The following ITPK1 variants were observed in gnomAD, a reference collection of about 807,000 sequenced individuals.
ITPK1 encodes the protein inositol 1,3,4-trisphosphate 5/6-kinase.
Under a neutral mutation model 45.3 loss-of-function variants are expected in ITPK1, and 21 were observed. The observed-to-expected ratio is 0.46, with a 90% CI of 0.33 to 0.67. The LOEUF is 0.67. ITPK1 is among the 30% of genes least tolerant of loss of function. ITPK1 has a pLI of 0.02. For missense variants in ITPK1, 474 were observed against 573.5 expected (o/e 0.83, Z 1.77); for synonymous variants, 258 against 253.6 (o/e 1.02, Z -0.16).
intron 9 of ITPK1, among the ~76,000 whole-genome samples, chr14:92,949,077 C>T (rs1887832118): frequency 6.6e-6 from 1 of 152,006 alleles, no homozygotes. Flanking sequence ...ACACTCATCC[C>T]TTAGCACTTT....
Position 92,978,379 on chromosome 14 carries a change from A to C in ITPK1, c.364+15501T>G, listed in dbSNP as rs1325667896. Among the ~76,000 whole-genome samples the C allele has an allele frequency of 2.6e-5, 4 of 152,118 alleles. 1 individual carries two copies. Among genetic ancestry groups the C allele is most frequent in the Admixed American group, 2.6e-4 (4 of 15,300 alleles). On this transcript the variant is annotated intron_variant, in intron 5 of 10. Transcript: ENST00000267615. ...ATAAAAGTGAAAAATTTGCAGGCTG[A>C]CCACGTGGTAGAAAAGAAAAACCCA... is the stretch of plus-strand genomic sequence containing the variant.
At position 93,076,607 on chromosome 14, in the gene ITPK1, C is replaced by T. The variant is rs778453920; in HGVS notation, c.108G>A (p.Met36Ile). 1.1e-5 allele frequency: 18 copies of T among 1,614,198 alleles called. No homozygotes were observed. The highest frequency in any genetic ancestry group is 1.5e-5 in the Non-Finnish European group (18 of 1,180,024). ...AFAELCRKRG[M>I]EVVQLNLSRP... ...GGTCTGTACTCACCTGCACAACCTCCATCCCTCGCTTCCTGTGGAGAAAAA... is the reference window on the plus strand; with the variant it reads ...GGTCTGTACTCACCTGCACAACCTCTATCCCTCGCTTCCTGTGGAGAAAAA... The change falls in exon 3 of 11, where the codon ATG (methionine) becomes ATA (isoleucine). Residue 36 changes from methionine to isoleucine, a missense_variant. By Grantham distance (10) the Met-to-Ile change is conservative. This residue lies in a region of ITPK1 where 367 missense variants were observed against 480.6 expected (regional missense o/e 0.76). Transcript: ENST00000267615. The surrounding 1 kb of genome is among the most constrained non-coding windows in gnomAD (Gnocchi z 4.3).
chr14:93,094,962 G>A (rs556697618), intron 2 of ITPK1, among the ~76,000 whole-genome samples: 2 of 152,344 alleles, frequency 1.3e-5, no homozygotes, highest in East Asian at 1.9e-4. Flanking sequence ...GTCCGTGAGC[G>A]AGCTCCCTGC....
intron 2 of ITPK1, among the ~76,000 whole-genome samples, chr14:93,079,884 C>G (rs1891370308): frequency 6.6e-6 from 1 of 152,190 alleles, no homozygotes; most frequent in Non-Finnish European, 1.5e-5. Flanking sequence ...CTCCTGAAAA[C>G]CCTGGCTCCA....
intron 2 of ITPK1, among the ~76,000 whole-genome samples, chr14:93,077,261 C>T (rs538841527): frequency 6.6e-6 from 1 of 152,284 alleles, no homozygotes; most frequent in East Asian, 1.9e-4. Context: ...TGGCCTGGGT[C>T]GGGGTTTGCC....
chr14:93,060,685 T>C (rs1890479647), intron 3 of ITPK1, among the ~76,000 whole-genome samples: 2 of 152,002 alleles, frequency 1.3e-5, no homozygotes, highest in African/African-American at 4.8e-5. Flanking sequence ...TGGTTAGCAC[T>C]GGGGAAGGGG....
intron 2 of ITPK1, among the ~76,000 whole-genome samples, chr14:93,105,465 A>C (rs183364074): frequency 6.6e-6 from 1 of 151,052 alleles, no homozygotes; most frequent in East Asian, 2.0e-4. Flanking sequence ...TCTTCATCTC[A>C]CAGGGAAGGG....
chr14:93,039,267 C>T (rs1229594371), intron 3 of ITPK1, among the ~76,000 whole-genome samples: 1 of 152,186 alleles, frequency 6.6e-6, no homozygotes, highest in Non-Finnish European at 1.5e-5. Flanking sequence ...CCAGAAACAC[C>T]CCCCACCTCC....
intron 2 of ITPK1, among the ~76,000 whole-genome samples, chr14:93,081,320 C>A (rs542692264): frequency 7.6e-4 from 111 of 145,878 alleles, no homozygotes; most frequent in African/African-American, 2.9e-3. Context: ...GGCAACAGAG[C>A]GAGATGCCGT....
At chr14:92,988,526 T>C (rs1214384190) in intron 5 of ITPK1, among the ~76,000 whole-genome samples, 3 of 152,192 alleles carry the variant, frequency 2.0e-5, no homozygotes, top group African/African-American at 7.2e-5. Context: ...CCAGGGATGA[T>C]GGCCATGCCA....
chr14:92,994,816 T>G (rs1037954438), intron 4 of ITPK1, among the ~76,000 whole-genome samples: 1 of 152,152 alleles, frequency 6.6e-6, no homozygotes, highest in Non-Finnish European at 1.5e-5. Context: ...TTGAATTGTG[T>G]CCTCTCAAGT....
At chr14:93,031,979 C>T (rs1889083771) in intron 3 of ITPK1, among the ~76,000 whole-genome samples, 1 of 152,200 alleles carries the variant, frequency 6.6e-6, no homozygotes, top group Non-Finnish European at 1.5e-5. Flanking sequence ...TGAAGCTGTA[C>T]TCTTTCTATA....
At chr14:92,990,037 G>C (rs12589484) in intron 5 of ITPK1, among the ~76,000 whole-genome samples, 19,721 of 152,180 alleles carry the variant, frequency 0.13, 1,507 homozygotes, top group East Asian at 0.32. Flanking sequence ...CCATGTCTTG[G>C]AAGACTGCTA....
At chr14:93,021,410 G>A (rs989715440) in intron 3 of ITPK1, among the ~76,000 whole-genome samples, 1 of 151,992 alleles carries the variant, frequency 6.6e-6, no homozygotes, top group Non-Finnish European at 1.5e-5. Context: ...TGGCCAACAT[G>A]GTGAAACCCT....
intron 2 of ITPK1, among the ~76,000 whole-genome samples, chr14:93,088,935 C>T (rs778802675): frequency 3.9e-5 from 6 of 152,222 alleles, no homozygotes; most frequent in Non-Finnish European, 8.8e-5. Context: ...CCCACCCAGG[C>T]CCGCTCTCCC....
At chr14:92,962,668 G>A (rs565196084) in intron 6 of ITPK1, 83 bp downstream of exon 6, 33 of 1,044,496 alleles carry the variant, frequency 3.2e-5, no homozygotes, top group Admixed American at 1.4e-4. Flanking sequence ...TAAATCCAGA[G>A]GGCACTATAA....
rs78772679 is a variant in ITPK1, at chr14:93,087,247, C to G, written c.96-10628G>C. Reference sequence around the variant, plus strand: ...TTGGCTTGTGGCCACAACACCCCAACCTCTGCTTCCACTGTCACATCTCCT... The same window carrying G: ...TTGGCTTGTGGCCACAACACCCCAAGCTCTGCTTCCACTGTCACATCTCCT... On this transcript the variant is annotated intron_variant, in intron 2 of 10. Transcript: ENST00000267615. Among the ~76,000 whole-genome samples the G allele has an allele frequency of 3.7e-4, 56 of 152,368 alleles. 1 individual carries two copies. In the South Asian group the frequency reaches 0.012, roughly 32 times the overall value.
At chr14:93,078,281 G>A (rs1197435416) in intron 2 of ITPK1, among the ~76,000 whole-genome samples, 1 of 152,086 alleles carries the variant, frequency 6.6e-6, no homozygotes, top group South Asian at 2.1e-4. Context: ...CTGAGGCGCC[G>A]CCCACCAATT....
chr14:93,056,573 G>A (rs1167025680), intron 3 of ITPK1, among the ~76,000 whole-genome samples: 2 of 152,202 alleles, frequency 1.3e-5, no homozygotes, highest in African/African-American at 4.8e-5. Context: ...CAGTGATGTT[G>A]AAGAGGAACC....
Sources: allele counts gnomAD v4.1 joint callset (sites outside exome capture counted in the v4.1 genomes callset), GRCh38; gene constraint gnomAD v4.1.1; regional missense constraint gnomAD v4.1.1; non-coding constraint Gnocchi (gnomAD v3.1); transcripts MANE v1.5; gene names NCBI Gene and HGNC (gene_info 2026-07-23, HGNC 2026-07-21).